STAC: variants seen among roughly 807,000 people sequenced by gnomAD.
STAC encodes the protein SH3 and cysteine-rich domain-containing protein.
A neutral mutation model predicts 48.8 loss-of-function variants in STAC; 43 were observed. That is an observed-to-expected ratio of 0.88 (90% CI 0.69 to 1.14). STAC has a LOEUF of 1.14. STAC is among the 50% of genes most tolerant of loss of function. STAC has a pLI of 0.00. For missense variants in STAC, 497 were observed against 504.0 expected (o/e 0.99, Z 0.13); for synonymous variants, 193 against 179.5 (o/e 1.07, Z -0.60).
At chr3:36,480,673 C>T (rs974247927) in intron 2 of STAC, among the ~76,000 whole-genome samples, 4 of 152,212 alleles carry the variant, frequency 2.6e-5, no homozygotes, top group African/African-American at 9.6e-5. Flanking sequence ...CACTTGGACC[C>T]TTAGGTATCT....
At chr3:36,482,758 A>C (rs1268508632) in intron 2 of STAC, among the ~76,000 whole-genome samples, 1 of 152,236 alleles carries the variant, frequency 6.6e-6, no homozygotes, top group Non-Finnish European at 1.5e-5. Context: ...GGAGGCTTAG[A>C]GTTCCTGGAG....
chr3:36,494,912 T>C (rs1458169678), intron 6 of STAC, among the ~76,000 whole-genome samples: 4 of 152,210 alleles, frequency 2.6e-5, no homozygotes, highest in African/African-American at 9.7e-5. Flanking sequence ...TTTCTCAATA[T>C]CTGACTCACC....
chr3:36,467,802 A>G (rs1211789552), intron 2 of STAC, among the ~76,000 whole-genome samples: 4 of 151,506 alleles, frequency 2.6e-5, no homozygotes, highest in African/African-American at 9.7e-5. Flanking sequence ...TGTTTCATTT[A>G]CCTTTTGTAT....
intron 1 of STAC, among the ~76,000 whole-genome samples, chr3:36,412,792 T>C (rs1700226631): frequency 6.6e-6 from 1 of 152,344 alleles, no homozygotes; most frequent in African/African-American, 2.4e-5. Context: ...ATTACGTATT[T>C]TTTTAATTCC....
At chr3:36,391,685 A>T (rs1699754426) in intron 1 of STAC, among the ~76,000 whole-genome samples, 1 of 152,168 alleles carries the variant, frequency 6.6e-6, no homozygotes, top group South Asian at 2.1e-4. Flanking sequence ...GCCCTTGATG[A>T]TCCTGAGCGG....
intron 1 of STAC, among the ~76,000 whole-genome samples, chr3:36,388,806 ATC>A (rs1468105234): frequency 6.6e-6 from 1 of 152,030 alleles, no homozygotes. Flanking sequence ...TTTTAGAGTT[ATC>A]TGTCATATTC....
rs1167540802 is a variant in STAC at position 36,541,106 on chromosome 3, G to T, written c.1111-5085G>T. 1.3e-5 allele frequency among the ~76,000 whole-genome samples: 2 copies of T among 152,076 alleles called. 1 individual carries two copies. The highest frequency in any genetic ancestry group is 1.3e-4 in the Admixed American group (2 of 15,256). On this transcript the variant is annotated intron_variant, in intron 10 of 10. Transcript: ENST00000273183. ...CTACGTCCCCTAGTGGTCACAGATG[G>T]CTGCAGCCACTCCAGGAATCCTTCC...
chr3:36,475,418 A>G (rs1332537683), intron 2 of STAC, among the ~76,000 whole-genome samples: 1 of 152,224 alleles, frequency 6.6e-6, no homozygotes, highest in Non-Finnish European at 1.5e-5. Flanking sequence ...GTGATCATTC[A>G]GGCCATTATT....
At chr3:36,518,588 A>T (rs904839881) in intron 8 of STAC, among the ~76,000 whole-genome samples, 1 of 152,200 alleles carries the variant, frequency 6.6e-6, no homozygotes, top group Non-Finnish European at 1.5e-5. Context: ...TGTAACGCCA[A>T]GTGCAAATTT....
At chr3:36,455,774 T>C (rs1696837661) in intron 2 of STAC, among the ~76,000 whole-genome samples, 1 of 152,072 alleles carries the variant, frequency 6.6e-6, no homozygotes. Context: ...TGTGTGTGTG[T>C]GTGTGTGTGT....
chr3:36,445,361 A>G (rs1239726499), intron 2 of STAC, among the ~76,000 whole-genome samples: 2 of 152,222 alleles, frequency 1.3e-5, no homozygotes, highest in Non-Finnish European at 2.9e-5. Context: ...AAAAAAAAGA[A>G]TCAACGAGTC....
chr3:36,385,464 C>T (rs1043049517), intron 1 of STAC, among the ~76,000 whole-genome samples: 3 of 152,024 alleles, frequency 2.0e-5, no homozygotes, highest in African/African-American at 7.2e-5. Context: ...ACCACAGTGA[C>T]CTCAGAAAAA....
chr3:36,450,406 C>G (rs1224207064), intron 2 of STAC, among the ~76,000 whole-genome samples: 2 of 152,214 alleles, frequency 1.3e-5, no homozygotes, highest in African/African-American at 4.8e-5. Flanking sequence ...CACAGATACC[C>G]TCTTCCCTCA....
At chr3:36,442,844 G>A (rs1388549382) in intron 1 of STAC, among the ~76,000 whole-genome samples, 3 of 150,994 alleles carry the variant, frequency 2.0e-5, no homozygotes, top group South Asian at 4.2e-4. Context: ...GCAGACTTGA[G>A]AGTTCCTGGT....
intron 1 of STAC, among the ~76,000 whole-genome samples, chr3:36,423,534 G>C (rs528471177): frequency 7.9e-5 from 12 of 151,690 alleles, no homozygotes; most frequent in African/African-American, 2.9e-4. Flanking sequence ...TATTAGATGC[G>C]TGTTTTTTAA....
chr3:36,398,376 G>GAAAGAAAAGAA lies in STAC; in HGVS notation c.111+17623_111+17624insAAGAAAAGAAA, dbSNP rs375266534. 7.4e-5 allele frequency among the ~76,000 whole-genome samples: 10 copies of GAAAGAAAAGAA among 135,818 alleles called. No homozygotes were observed. In the Admixed American group the frequency reaches 7.7e-4, roughly 10 times the overall value. The allele number at this position is 135,818 out of a possible 152,430, so 89.1% of individuals were successfully genotyped here. A position where few individuals can be genotyped will look rare whatever the true frequency, so the allele number is the denominator to read the frequency against. On this transcript the variant is annotated intron_variant, in intron 1 of 10. Coordinates refer to ENST00000273183, the MANE Select transcript of STAC (RefSeq NM_003149.3). ...GAAAGAAAGAAAGAAAGAAAAGAAA[G>GAAAGAAAAGAA]AGAGAAAGAAAGAAAGAGAGGTAAA...
At chr3:36,447,418 A>T (rs1696538706) in intron 2 of STAC, among the ~76,000 whole-genome samples, 1 of 152,220 alleles carries the variant, frequency 6.6e-6, no homozygotes, top group Admixed American at 6.5e-5. Flanking sequence ...GAACAAATTT[A>T]AAATGCAGAT....
chr3:36,394,127 G>A (rs891768582), intron 1 of STAC, among the ~76,000 whole-genome samples: 5 of 152,106 alleles, frequency 3.3e-5, no homozygotes, highest in African/African-American at 1.2e-4. Flanking sequence ...CCTACGGAGA[G>A]GTGAGTCCAG....
chr3:36,527,580 G>A (rs1484769942), intron 8 of STAC, among the ~76,000 whole-genome samples: 4 of 152,166 alleles, frequency 2.6e-5, no homozygotes, highest in Non-Finnish European at 5.9e-5. Context: ...CTGTAAGTGT[G>A]TAAGAAAGAC....
Sources: allele counts gnomAD v4.1 joint callset (sites outside exome capture counted in the v4.1 genomes callset), GRCh38; gene constraint gnomAD v4.1.1; transcripts MANE v1.5; gene names NCBI Gene and HGNC (gene_info 2026-07-23, HGNC 2026-07-21).